FDXR: variants seen among roughly 807,000 people sequenced by gnomAD.
The protein encoded by FDXR is ferredoxin reductase, also known as NADPH:adrenodoxin oxidoreductase, mitochondrial.
FDXR carries 38 observed loss-of-function variants against 58.3 expected under a neutral mutation model. The observed-to-expected ratio is 0.65, with a 90% CI of 0.50 to 0.85. The LOEUF (loss-of-function observed/expected upper bound fraction) is 0.85. FDXR is among the 40% of genes least tolerant of loss of function. FDXR has a pLI of 0.00. For missense variants in FDXR, 624 were observed against 671.0 expected (o/e 0.93, Z 0.77); for synonymous variants, 275 against 273.8 (o/e 1.00, Z -0.04).
chr17:74,872,921 CCAGCGCCAG>C lies in FDXR; in HGVS notation c.15_23del (p.Cys5_Arg7del), dbSNP rs1480366556. 7.1e-6 allele frequency: 11 copies of C among 1,556,342 alleles called. No individual in the cohort carries two copies. The African/African-American group carries it at 9.5e-5, about 13-fold the overall frequency. On this transcript the variant is annotated inframe_deletion, in exon 1 of 12. Coordinates refer to ENST00000293195, the MANE Select transcript of FDXR (RefSeq NM_024417.5). ...TCCGAGGCCACGCCGACCAGCCCCACCAGCGCCAGCAGCGCGAAGCCATGGCTGGGAGCA... is the reference window on the plus strand; with the variant it reads ...TCCGAGGCCACGCCGACCAGCCCCACCAGCGCGAAGCCATGGCTGGGAGCA...
rs2144658675 is a variant in FDXR, at chr17:74,865,889, C to A, written c.508-69G>T. The A allele has an allele frequency of 2.4e-6, 3 of 1,262,848 alleles. 1 individual carries two copies. Among genetic ancestry groups the A allele is most frequent in the South Asian group, 2.5e-5 (2 of 79,368 alleles). 78.2% of individuals were successfully genotyped at this position (1,262,848 alleles called of 1,614,324 possible). On this transcript the variant is annotated intron_variant, in intron 5 of 11. Coordinates refer to ENST00000293195, the MANE Select transcript of FDXR (RefSeq NM_024417.5). The stretch of plus-strand genomic sequence containing the variant: ...CTCAGTTCATCTCAGTCTGCAGGTG[C>A]CTCATGCCTGGTCCCCACTGTGCCC...
intron 2 of FDXR, among the ~76,000 whole-genome samples, chr17:74,867,823 C>T (rs1209602931): frequency 6.6e-6 from 1 of 152,176 alleles, no homozygotes; most frequent in Non-Finnish European, 1.5e-5. Flanking sequence ...CCCCAAGTCT[C>T]AGTCTCCCCC....
rs563289691 is a variant in FDXR, at chr17:74,868,267, G to A, written c.178-1391C>T. 413 of 570,796 alleles carry A rather than the reference G, an allele frequency of 7.2e-4. 1 individual carries two copies. The highest frequency in any genetic ancestry group is 7.2e-3 in the African/African-American group (386 of 53,500). 35.4% of individuals were successfully genotyped at this position (570,796 alleles called of 1,614,324 possible). ...GCTTGGAGTCAAACAGGTAGCCTTG[G>A]ATGCCAGTCCCAGCTCTAGCACTAG... On this transcript the variant is annotated intron_variant, in intron 2 of 11. Transcript: ENST00000293195.
At position 74,862,752 on chromosome 17, in the gene FDXR, G is replaced by A. The variant is rs865791521; in HGVS notation, c.*65C>T. On this transcript the variant is annotated 3_prime_UTR_variant, in exon 12 of 12. Coordinates refer to ENST00000293195, the MANE Select transcript of FDXR (RefSeq NM_024417.5). ...CAGAGGTGCAAAGTCCCACTCAGAC[G>A]GACCCAGCCCTTCCCCTCCCAACAC... is the stretch of plus-strand genomic sequence containing the variant. 2.1e-5 allele frequency: 33 copies of A among 1,539,268 alleles called. No homozygotes were observed. Among genetic ancestry groups the A allele is most frequent in the South Asian group, 9.6e-5 (8 of 83,130 alleles).
chr17:74,862,648 C>A lies in FDXR; in HGVS notation c.*169G>T. The A allele has an allele frequency of 1.0e-6, 1 of 952,486 alleles. No homozygotes were observed. Among genetic ancestry groups the A allele is most frequent in the Non-Finnish European group, 1.5e-6 (1 of 662,246 alleles). 59.0% of individuals were successfully genotyped at this position (952,486 alleles called of 1,614,324 possible). ...TTGCTGAAAGCTAAAACCTTGCGCGCAAGGGCGACCTTCCCCAGGAGGGAG... is the reference window on the plus strand; with the variant it reads ...TTGCTGAAAGCTAAAACCTTGCGCGAAAGGGCGACCTTCCCCAGGAGGGAG... On this transcript the variant is annotated 3_prime_UTR_variant, in exon 12 of 12. Transcript: ENST00000293195.
chr17:74,868,374 T>C (rs1189897371), intron 2 of FDXR: 1 of 669,960 alleles, frequency 1.5e-6, no homozygotes, highest in Admixed American at 2.1e-5. Flanking sequence ...AAATGAGTAA[T>C]CAGGCAGCCC....
At chr17:74,871,406 T>C (rs937111095) in intron 2 of FDXR, among the ~76,000 whole-genome samples, 17 of 152,254 alleles carry the variant, frequency 1.1e-4, no homozygotes, top group Non-Finnish European at 2.9e-5. Context: ...TAGGCAACTG[T>C]CTCACGTCTC....
intron 5 of FDXR, 37 bp from the exon 6 acceptor site, chr17:74,865,857 C>A: frequency 6.7e-7 from 1 of 1,492,958 alleles, no homozygotes; most frequent in South Asian, 1.2e-5. Context: ...CCCCCAGCCT[C>A]GCTCCACTCA....
chr17:74,862,652 G>A lies in FDXR; in HGVS notation c.*165C>T. The A allele has an allele frequency of 2.0e-6, 2 of 989,874 alleles. No homozygotes were observed. The highest frequency in any genetic ancestry group is 2.9e-6 in the Non-Finnish European group (2 of 695,418). 61.3% of individuals were successfully genotyped at this position (989,874 alleles called of 1,614,324 possible). A position where few individuals can be genotyped will look rare whatever the true frequency, so the allele number is the denominator to read the frequency against. ...TGAAAGCTAAAACCTTGCGCGCAAGGGCGACCTTCCCCAGGAGGGAGGAGA... is the reference window on the plus strand; with the variant it reads ...TGAAAGCTAAAACCTTGCGCGCAAGAGCGACCTTCCCCAGGAGGGAGGAGA... On this transcript the variant is annotated 3_prime_UTR_variant, in exon 12 of 12. Transcript: ENST00000293195.
Position 74,864,067 on chromosome 17 carries a change from C to G in FDXR, c.1003G>C (p.Gly335Arg). The change falls in exon 10 of 12, where the codon GGT becomes CGT. Residue 335 changes from glycine to arginine, a missense_variant and splice_region_variant. Gly to Arg is a moderately radical substitution (Grantham distance 125). Coordinates refer to ENST00000293195, the MANE Select transcript of FDXR (RefSeq NM_024417.5). ...ACTGCACGGGTGGCCTCATCGACAC[C>G]CTGTTGGGGAGAGTGTGGGCAACAC... is the stretch of plus-strand genomic sequence containing the variant. Reference protein sequence around the residue: ...GVRLAVTRLEGVDEATRAVPT... With the variant: ...GVRLAVTRLERVDEATRAVPT... The G allele has an allele frequency of 6.2e-7, 1 of 1,613,842 alleles. No individual in the cohort carries two copies. The highest frequency in any genetic ancestry group is 8.5e-7 in the Non-Finnish European group (1 of 1,180,036).
At chr17:74,872,553 T>C in intron 1 of FDXR, 1 of 624,438 alleles carries the variant, frequency 1.6e-6, no homozygotes, top group Non-Finnish European at 2.8e-6. Flanking sequence ...TTCCTACAGA[T>C]CCCTGTTTCG....
chr17:74,872,572 T>A, intron 1 of FDXR: 1 of 651,226 alleles, frequency 1.5e-6, no homozygotes, highest in East Asian at 2.8e-5. Context: ...CGACTCAGAC[T>A]TTCCTCTCGC....
At position 74,865,057 on chromosome 17, in the gene FDXR, C is replaced by T. The variant is rs575089940; in HGVS notation, c.610-126G>A. 5 of 1,345,100 alleles carry T rather than the reference C, an allele frequency of 3.7e-6. No individual in the cohort carries two copies. The African/African-American group carries it at 7.2e-5, about 19-fold the overall frequency. The allele number at this position is 1,345,100 out of a possible 1,614,324, so 83.3% of individuals were successfully genotyped here. A position where few individuals can be genotyped will look rare whatever the true frequency, so the allele number is the denominator to read the frequency against. On this transcript the variant is annotated intron_variant, in intron 6 of 11. Coordinates refer to ENST00000293195, the MANE Select transcript of FDXR (RefSeq NM_024417.5). The stretch of plus-strand genomic sequence containing the variant: ...GCTCAAAATTGCGCCACTGCTCCCC[C>T]CTGGTGGCCAGATGGAGCATTGCTG...
At chr17:74,870,880 GC>G (rs1182351821) in intron 2 of FDXR, among the ~76,000 whole-genome samples, 1 of 141,466 alleles carries the variant, frequency 7.1e-6, no homozygotes, top group East Asian at 2.1e-4. Context: ...TTGGCTCAGT[GC>G]TACCTCCACC....
chr17:74,869,239 C>T (rs1027974422), intron 2 of FDXR, among the ~76,000 whole-genome samples: 7 of 152,180 alleles, frequency 4.6e-5, no homozygotes, highest in Admixed American at 2.6e-4. Context: ...AAGAATCCTT[C>T]GGGGTGTTTA....
At chr17:74,868,752 C>T in intron 2 of FDXR, 1 of 1,489,434 alleles carries the variant, frequency 6.7e-7, no homozygotes, top group Non-Finnish European at 8.9e-7. Flanking sequence ...AGGACATTCT[C>T]TGAGGTTCTT....
Position 74,865,778 on chromosome 17 carries a change from G to A in FDXR, c.550C>T (p.Gln184Ter). 2 of 1,613,704 alleles carry A rather than the reference G, an allele frequency of 1.2e-6. No homozygotes were observed. Among genetic ancestry groups the A allele is most frequent in the Non-Finnish European group, 1.7e-6 (2 of 1,179,950 alleles). The change falls in exon 6 of 12, where the codon CAG (glutamine) becomes TAG (stop). Residue 184 changes from glutamine to a stop codon, truncating the protein, a stop_gained. Transcript: ENST00000293195. LOFTEE classifies it high-confidence loss of function. ...LSCDTAVILG[Q>*]GNVALDVARI... The stretch of plus-strand genomic sequence containing the variant: ...GCCACGTCCAGAGCCACGTTCCCCT[G>A]CCCCAGAATCACGGCTGTGTCACAG...
intron 2 of FDXR, among the ~76,000 whole-genome samples, chr17:74,868,957 C>T (rs1486306582): frequency 1.3e-5 from 2 of 152,122 alleles, no homozygotes; most frequent in Admixed American, 6.5e-5. Flanking sequence ...AGTCCCCTTG[C>T]CCCAAACCGC....
At chr17:74,865,171 C>A (rs1026050074) in intron 6 of FDXR, among the ~76,000 whole-genome samples, 2 of 152,098 alleles carry the variant, frequency 1.3e-5, no homozygotes, top group Non-Finnish European at 2.9e-5. Flanking sequence ...ATGTGCTCAC[C>A]CCCATGCAAA....
Sources: gnomAD v4.1 joint callset for allele counts (sites outside exome capture counted in the v4.1 genomes callset) on GRCh38, gnomAD v4.1.1 for gene constraint, MANE v1.5 for transcripts, NCBI Gene and HGNC (gene_info 2026-07-23, HGNC 2026-07-21) for gene names.